Variants in ZMIZ1 observed in about 807,000 individuals in gnomAD.
ZMIZ1 encodes the protein zinc finger MIZ domain-containing protein 1.
Under a neutral mutation model 113.9 loss-of-function variants are expected in ZMIZ1, and 17 were observed. That is an observed-to-expected ratio of 0.15 (90% CI 0.10 to 0.22). ZMIZ1 has a LOEUF of 0.22. ZMIZ1 is among the 10% of genes least tolerant of loss of function. The pLI, the probability that ZMIZ1 is intolerant of heterozygous loss-of-function variation, is 1.00. For synonymous variants in ZMIZ1, 607 were observed against 603.1 expected (o/e 1.01, Z -0.09); for missense variants, 1,059 against 1,477.8 (o/e 0.72, Z 4.65).
Position 79,069,734 on chromosome 10 carries a change from G to T in ZMIZ1, c.-337+464G>T, listed in dbSNP as rs1458632695. Among the ~76,000 whole-genome samples the T allele has an allele frequency of 6.6e-6, 1 of 152,204 alleles. No homozygotes were observed. Among genetic ancestry groups the T allele is most frequent in the Non-Finnish European group, 1.5e-5 (1 of 68,034 alleles). ...GTGTACAGGAACCGCTGGGGAAAGCGCTGGATTTCAGGATGGCAAGGGGTG... is the reference window on the plus strand; with the variant it reads ...GTGTACAGGAACCGCTGGGGAAAGCTCTGGATTTCAGGATGGCAAGGGGTG... On this transcript the variant is annotated intron_variant, in intron 1 of 24. Transcript: ENST00000334512. This position sits in a 1 kb window ranked among gnomAD's most constrained non-coding sequence, Gnocchi z 4.6.
chr10:79,297,835 G>A, intron 14 of ZMIZ1, 145 bp downstream of exon 14: 1 of 669,128 alleles, frequency 1.5e-6, no homozygotes, highest in Non-Finnish European at 2.6e-6. Flanking sequence ...CCTGGGGACA[G>A]AGATGCTCAG....
At chr10:79,113,192 C>G (rs1474802378) in intron 1 of ZMIZ1, among the ~76,000 whole-genome samples, 1 of 152,212 alleles carries the variant, frequency 6.6e-6, no homozygotes, top group African/African-American at 2.4e-5. Context: ...TATCAGATGT[C>G]TGCTGGCTCC....
In ZMIZ1 at chr10:79,306,124, C is replaced by T. The variant is rs143401864; in HGVS notation, c.2448C>T (p.Ile816=). The change falls in exon 22 of 25, where the codon ATC becomes ATT. Residue 816 remains isoleucine (I), a synonymous_variant. Transcript: ENST00000334512. ...IQHSEFEEVT[I]DPTCSWRPVP... is the part of the protein sequence containing the mutation. ...GCTCCGAGTTTGAAGAGGTCACCAT[C>T]GATCCCACGTGCAGCTGGCGGCCGG... 1,348 of 1,613,666 alleles carry T rather than the reference C, an allele frequency of 8.4e-4. 11 individuals carry two copies. In the African/African-American group the frequency reaches 0.015, roughly 18 times the overall value.
In ZMIZ1 at chr10:79,083,922, T is replaced by C. The variant is rs7079985; in HGVS notation, c.-337+14652T>C. Among the ~76,000 whole-genome samples, 726 of 152,244 alleles carry C rather than the reference T, an allele frequency of 4.8e-3. 7 individuals carry two copies. Among genetic ancestry groups the C allele is most frequent in the African/African-American group, 0.016 (646 of 41,530 alleles). On this transcript the variant is annotated intron_variant, in intron 1 of 24. Coordinates refer to ENST00000334512, the MANE Select transcript of ZMIZ1 (RefSeq NM_020338.4). The stretch of plus-strand genomic sequence containing the variant: ...CTGTCATAAGGTGGCCTTTTAACAG[T>C]TGGAAAAATAGAGGCATAGTGGGTC...
At chr10:79,182,858 C>T (rs1407921410) in intron 4 of ZMIZ1, among the ~76,000 whole-genome samples, 3 of 152,212 alleles carry the variant, frequency 2.0e-5, no homozygotes, top group Admixed American at 6.5e-5. Flanking sequence ...GTGCATGGTA[C>T]GTATCCATTA....
intron 4 of ZMIZ1, among the ~76,000 whole-genome samples, chr10:79,197,748 C>T (rs1847903938): frequency 6.6e-6 from 1 of 152,096 alleles, no homozygotes; most frequent in Non-Finnish European, 1.5e-5. Context: ...ACCTCCAAGC[C>T]TTAGTTTCTT....
intron 23 of ZMIZ1, among the ~76,000 whole-genome samples, chr10:79,308,258 C>G (rs1481431426): frequency 6.6e-6 from 1 of 152,186 alleles, no homozygotes; most frequent in African/African-American, 2.4e-5. Context: ...CTGTGCTCTG[C>G]GCAGGCCATG....
chr10:79,300,593 A>G lies in ZMIZ1; in HGVS notation c.1809-139A>G, dbSNP rs1163333503. The G allele has an allele frequency of 7.5e-6, 8 of 1,073,376 alleles. No homozygotes were observed. The South Asian group carries it at 1.2e-4, about 17-fold the overall frequency. The allele number at this position is 1,073,376 out of a possible 1,614,324, so 66.5% of individuals were successfully genotyped here. ...GGAGAGGAGAACTCAGGCTGGGGGA[A>G]TCATTGGGGTCAGGGATGGGGTCCT... On this transcript the variant is annotated intron_variant, in intron 16 of 24. Transcript: ENST00000334512.
chr10:79,246,550 AG>A (rs1402053707), intron 7 of ZMIZ1, among the ~76,000 whole-genome samples: 7 of 152,062 alleles, frequency 4.6e-5, no homozygotes, highest in African/African-American at 1.7e-4. Flanking sequence ...CCTCAGAGAG[AG>A]GGGTACAGGC....
intron 7 of ZMIZ1, among the ~76,000 whole-genome samples, chr10:79,249,060 T>G (rs1850384192): frequency 6.6e-6 from 1 of 152,156 alleles, no homozygotes; most frequent in Non-Finnish European, 1.5e-5. Context: ...TCAACCCCTG[T>G]GTGTGGGAGG....
intron 1 of ZMIZ1, among the ~76,000 whole-genome samples, chr10:79,103,951 G>A (rs1353561307): frequency 2.6e-5 from 4 of 152,192 alleles, no homozygotes; most frequent in Admixed American, 2.0e-4. Context: ...TGCGAGCCCT[G>A]GTGTCACTAC....
intron 11 of ZMIZ1, chr10:79,292,659 T>G (rs1228956368): frequency 2.0e-6 from 1 of 494,196 alleles, no homozygotes; most frequent in African/African-American, 1.9e-5. Flanking sequence ...CATGGCTCTC[T>G]GGGCCCCCAA....
rs149503718 is a variant in ZMIZ1 at position 79,169,646 on chromosome 10, C to T, written c.-50+7513C>T. 9.2e-5 allele frequency among the ~76,000 whole-genome samples: 14 copies of T among 152,294 alleles called. 1 individual carries two copies. The East Asian group carries it at 9.6e-4, about 10-fold the overall frequency. ...CAGTGTGATAGAGGATAAAGTGTGG[C>T]GTGTGGTCAAAGTGTGTGGGTTTCA... On this transcript the variant is annotated intron_variant, in intron 4 of 24. Transcript: ENST00000334512.
chr10:79,156,735 G>A (rs1437372610), intron 3 of ZMIZ1, among the ~76,000 whole-genome samples: 2 of 152,194 alleles, frequency 1.3e-5, no homozygotes, highest in African/African-American at 2.4e-5. Context: ...GGGCAGCCCC[G>A]CCCAGGACTT....
At position 79,311,026 on chromosome 10, in the gene ZMIZ1, G is replaced by T; in HGVS notation, c.2938G>T (p.Gly980Trp). The T allele has an allele frequency of 6.2e-7, 1 of 1,613,746 alleles. No homozygotes were observed. Among genetic ancestry groups the T allele is most frequent in the Non-Finnish European group, 8.5e-7 (1 of 1,179,988 alleles). ...GTCAGGGCCTCCATTACATCACAGT[G>T]GGGCTCCTCCTCCTCCTCCTTCCCA... is the stretch of plus-strand genomic sequence containing the variant. The part of the protein sequence containing the change: ...SQSGPPLHHS[G>W]APPPPPSQPP... Residue 980 changes from glycine (G) to tryptophan (W), a missense_variant, in exon 24 of 25, where the codon GGG becomes TGG. This residue lies in a region of ZMIZ1 where 225 missense variants were observed against 276.0 expected (regional missense o/e 0.82). Transcript: ENST00000334512.
intron 2 of ZMIZ1, among the ~76,000 whole-genome samples, chr10:79,124,582 G>A (rs997644044): frequency 6.6e-6 from 1 of 152,342 alleles, no homozygotes; most frequent in Non-Finnish European, 1.5e-5. Context: ...TGAATCTTCA[G>A]TTGAGCTGGG....
In ZMIZ1 at chr10:79,296,387, C is replaced by T. The variant is rs1048093903; in HGVS notation, c.1231-84C>T. On this transcript the variant is annotated intron_variant, in intron 12 of 24. Transcript: ENST00000334512. This position sits in a 1 kb window ranked among gnomAD's most constrained non-coding sequence, Gnocchi z 4.1. ...GCAGGAGCAAATGAGGAGAGGCGGG[C>T]CCCATCCCGTTGTTCAGGTGACCTG... 6.2e-6 allele frequency: 9 copies of T among 1,451,998 alleles called. No individual in the cohort carries two copies. The Admixed American group carries it at 1.2e-4, about 20-fold the overall frequency. 89.9% of individuals were successfully genotyped at this position (1,451,998 alleles called of 1,614,324 possible).
At chr10:79,082,269 C>T (rs537765566) in intron 1 of ZMIZ1, among the ~76,000 whole-genome samples, 2 of 152,348 alleles carry the variant, frequency 1.3e-5, no homozygotes, top group South Asian at 4.1e-4. Flanking sequence ...GCCTGGGGGC[C>T]GCTGCCCTAT....
intron 2 of ZMIZ1, among the ~76,000 whole-genome samples, chr10:79,134,134 A>AC (rs1844891093): frequency 1.3e-5 from 2 of 152,248 alleles, no homozygotes; most frequent in African/African-American, 4.8e-5. Flanking sequence ...AGGGAGGCCC[A>AC]CCTGGGGGGT....
Sources: gnomAD v4.1 joint callset for allele counts (sites outside exome capture counted in the v4.1 genomes callset) on GRCh38, gnomAD v4.1.1 for gene constraint, gnomAD v4.1.1 regional missense constraint, Gnocchi (gnomAD v3.1) non-coding constraint, MANE v1.5 for transcripts, NCBI Gene and HGNC (gene_info 2026-07-23, HGNC 2026-07-21) for gene names.